Variants in SPAG16 observed in about 807,000 individuals in gnomAD.
SPAG16 encodes sperm associated antigen 16.
In SPAG16, 86 loss-of-function variants were observed where a neutral mutation model predicts 80.4. The ratio of observed to expected loss-of-function variants is 1.07; its 90% CI spans 0.90 to 1.28. SPAG16 has a LOEUF of 1.28. SPAG16 is among the 50% of genes most tolerant of loss of function. SPAG16 has a pLI of 0.00. For missense variants in SPAG16, 870 were observed against 765.3 expected (o/e 1.14, Z -1.61); for synonymous variants, 294 against 265.9 (o/e 1.11, Z -1.03).
Position 214,058,004 on chromosome 2 carries a change from A to C in SPAG16, c.1527+43927A>C, listed in dbSNP as rs890439638. Among the ~76,000 whole-genome samples the C allele has an allele frequency of 2.6e-5, 4 of 152,264 alleles. No individual in the cohort carries two copies. In the East Asian group the frequency reaches 7.7e-4, roughly 29 times the overall value. The stretch of plus-strand genomic sequence containing the variant: ...CCTGGATTAAGCTTTGGCTTAAAAA[A>C]AATGTTGTGGCTGGTTTGATCTTCT... On this transcript the variant is annotated intron_variant, in intron 13 of 15. Transcript: ENST00000331683.
At chr2:213,675,700 T>A (rs537489681) in intron 10 of SPAG16, among the ~76,000 whole-genome samples, 7,200 of 151,338 alleles carry the variant, frequency 0.048, 558 homozygotes, top group African/African-American at 0.16. Context: ...AGTTGTAGAT[T>A]TGTGGCGTTA....
chr2:213,594,238 C>A (rs1454450938), intron 10 of SPAG16, among the ~76,000 whole-genome samples: 1 of 152,124 alleles, frequency 6.6e-6, no homozygotes, highest in African/African-American at 2.4e-5. Flanking sequence ...TTCAACTCTT[C>A]GCTTCCTCTT....
intron 10 of SPAG16, among the ~76,000 whole-genome samples, chr2:213,550,446 G>C (rs892702127): frequency 6.6e-6 from 1 of 151,796 alleles, no homozygotes; most frequent in African/African-American, 2.4e-5. Flanking sequence ...CAATTCATTT[G>C]GTTCCTTGGG....
chr2:213,717,402 C>T (rs2066288079), intron 10 of SPAG16, among the ~76,000 whole-genome samples: 1 of 152,114 alleles, frequency 6.6e-6, no homozygotes, highest in Non-Finnish European at 1.5e-5. Context: ...CCTCGTGATC[C>T]GCCCGCCTCA....
In SPAG16 at chr2:214,243,919, T is replaced by G. The variant is rs139525219; in HGVS notation, c.1720+94653T>G. ...CAGTCACCTTAGGGCCTGGGTCAGG[T>G]TTTACCCCCAAGACACATATACGAC... On this transcript the variant is annotated intron_variant, in intron 15 of 15. Coordinates refer to ENST00000331683, the MANE Select transcript of SPAG16 (RefSeq NM_024532.5). Among the ~76,000 whole-genome samples the G allele has an allele frequency of 3.3e-3, 507 of 152,148 alleles. 2 individuals carry two copies. The highest frequency in any genetic ancestry group is 5.7e-3 in the Non-Finnish European group (388 of 67,970).
At chr2:213,811,666 G>A (rs901542863) in intron 10 of SPAG16, among the ~76,000 whole-genome samples, 7 of 152,092 alleles carry the variant, frequency 4.6e-5, no homozygotes, top group African/African-American at 7.2e-5. Context: ...TGTCCCAACC[G>A]TCTGCTGAGA....
At chr2:214,099,934 G>A (rs1246960321) in intron 13 of SPAG16, among the ~76,000 whole-genome samples, 2 of 151,958 alleles carry the variant, frequency 1.3e-5, no homozygotes, top group Admixed American at 6.6e-5. Context: ...GCATTTTAGT[G>A]TATGTAAATT....
At chr2:213,990,257 T>C (rs1344338616) in intron 12 of SPAG16, among the ~76,000 whole-genome samples, 1 of 152,166 alleles carries the variant, frequency 6.6e-6, no homozygotes, top group East Asian at 1.9e-4. Flanking sequence ...GGTGCTAAAC[T>C]TCCCTTAGCT....
chr2:214,167,509 TC>T (rs1490936587), intron 15 of SPAG16, among the ~76,000 whole-genome samples: 1 of 152,102 alleles, frequency 6.6e-6, no homozygotes, highest in African/African-American at 2.4e-5. Flanking sequence ...CTGTGCCTTT[TC>T]CTGGGGGTGG....
chr2:214,156,837 G>T lies in SPAG16; in HGVS notation c.1720+7571G>T, dbSNP rs77698547. Reference sequence around the variant, plus strand: ...ACAAAAAATAATTTAAAAAGAAGAAGAAAGCAGGCCAACTTGTTTTATCTC... The same window carrying T: ...ACAAAAAATAATTTAAAAAGAAGAATAAAGCAGGCCAACTTGTTTTATCTC... On this transcript the variant is annotated intron_variant, in intron 15 of 15. Transcript: ENST00000331683. Among the ~76,000 whole-genome samples, 412 of 152,158 alleles carry T rather than the reference G, an allele frequency of 2.7e-3. 8 individuals are homozygous for T. The highest frequency in any genetic ancestry group is 0.022 in the East Asian group (113 of 5,164).
At chr2:213,314,956 G>A (rs2063339404) in intron 4 of SPAG16, among the ~76,000 whole-genome samples, 1 of 151,594 alleles carries the variant, frequency 6.6e-6, no homozygotes, top group African/African-American at 2.4e-5. Flanking sequence ...TATTCTATGG[G>A]GGGGTCCTCT....
chr2:214,320,907 A>G (rs1696050441), intron 15 of SPAG16, among the ~76,000 whole-genome samples: 1 of 152,230 alleles, frequency 6.6e-6, no homozygotes, highest in Non-Finnish European at 1.5e-5. Flanking sequence ...AGTAAACACT[A>G]CGAAATTAAT....
At chr2:213,963,996 T>C (rs919768588) in intron 12 of SPAG16, among the ~76,000 whole-genome samples, 1 of 152,162 alleles carries the variant, frequency 6.6e-6, no homozygotes, top group African/African-American at 2.4e-5. Flanking sequence ...TGCCTTATGA[T>C]TGAATTGTAC....
chr2:213,929,672 A>G (rs2078662412), intron 11 of SPAG16, among the ~76,000 whole-genome samples: 1 of 152,340 alleles, frequency 6.6e-6, no homozygotes, highest in Middle Eastern at 3.4e-3. Flanking sequence ...AAACAAACAC[A>G]TGATAACAAA....
chr2:214,168,198 G>A (rs1202288537), intron 15 of SPAG16, among the ~76,000 whole-genome samples: 1 of 151,526 alleles, frequency 6.6e-6, no homozygotes, highest in Admixed American at 6.6e-5. Flanking sequence ...CACCATATTG[G>A]CCAGGCTGAT....
At chr2:214,253,343 A>G (rs1690442120) in intron 15 of SPAG16, among the ~76,000 whole-genome samples, 1 of 152,014 alleles carries the variant, frequency 6.6e-6, no homozygotes, top group Admixed American at 6.6e-5. Flanking sequence ...TTTTGTTGCC[A>G]TTGCTTTTGG....
intron 9 of SPAG16, among the ~76,000 whole-genome samples, chr2:213,383,671 C>T (rs928902490): frequency 6.6e-6 from 1 of 152,128 alleles, no homozygotes; most frequent in Non-Finnish European, 1.5e-5. Flanking sequence ...TGTAGATAGT[C>T]AAAACATATA....
At chr2:213,324,867 C>A (rs1012556) in intron 5 of SPAG16, among the ~76,000 whole-genome samples, 33,013 of 152,006 alleles carry the variant, frequency 0.22, 4,428 homozygotes, top group Non-Finnish European at 0.31. Flanking sequence ...GGAATACATG[C>A]GAATTCCAGT....
chr2:213,837,612 A>C (rs1575305646), intron 10 of SPAG16, among the ~76,000 whole-genome samples: 1 of 152,216 alleles, frequency 6.6e-6, no homozygotes, highest in Admixed American at 6.5e-5. Context: ...TTTTTGCTGA[A>C]GGTAAAAAAG....
Sources: gnomAD v4.1 joint callset for allele counts (sites outside exome capture counted in the v4.1 genomes callset) on GRCh38, gnomAD v4.1.1 for gene constraint, MANE v1.5 for transcripts, NCBI Gene and HGNC (gene_info 2026-07-23, HGNC 2026-07-21) for gene names.